Variants in CERS6 observed in about 807,000 individuals in gnomAD.
CERS6 encodes the protein ceramide synthase 6.
CERS6 carries 26 observed loss-of-function variants against 56.8 expected under a neutral mutation model. That is an observed-to-expected ratio of 0.46 (90% CI 0.34 to 0.63). The LOEUF is 0.63. Ranked by LOEUF, CERS6 falls within the 30% of genes least tolerant of loss-of-function variation. The probability of loss-of-function intolerance (pLI) is 0.01; values close to 1 mark genes in which losing one functional copy is unlikely to be tolerated. For synonymous variants in CERS6, 164 were observed against 173.3 expected, an observed-to-expected ratio of 0.95 and a Z score of 0.42; for missense variants, 415 against 467.5, an observed-to-expected ratio of 0.89 and a Z score of 1.04.
intron 4 of CERS6, among the ~76,000 whole-genome samples, chr2:168,644,478 A>G (rs1157479887): frequency 1.3e-5 from 2 of 152,154 alleles, no homozygotes; most frequent in Non-Finnish European, 2.9e-5. Context: ...ATGACAGATG[A>G]TTGAGCTGGA....
intron 1 of CERS6, among the ~76,000 whole-genome samples, chr2:168,483,347 G>T (rs1694212126): frequency 6.6e-6 from 1 of 151,608 alleles, no homozygotes; most frequent in Admixed American, 6.6e-5. Context: ...AGCTCTGTGT[G>T]CTTATTGGTT....
chr2:168,706,742 C>T (rs1179693997), intron 6 of CERS6, among the ~76,000 whole-genome samples: 3 of 152,200 alleles, frequency 2.0e-5, no homozygotes, highest in African/African-American at 7.2e-5. Context: ...TTGAAGTTAG[C>T]CACGAGCCTA....
At chr2:168,577,780 G>A (rs1461636959) in intron 3 of CERS6, among the ~76,000 whole-genome samples, 1 of 152,200 alleles carries the variant, frequency 6.6e-6, no homozygotes, top group African/African-American at 2.4e-5. Context: ...GGGCATCTGA[G>A]GAGAGTGAAG....
At chr2:168,598,777 A>G (rs529043476) in intron 3 of CERS6, among the ~76,000 whole-genome samples, 1 of 152,346 alleles carries the variant, frequency 6.6e-6, no homozygotes, top group African/African-American at 2.4e-5. Flanking sequence ...AAGTGGTGTC[A>G]AATATTGCGG....
intron 4 of CERS6, among the ~76,000 whole-genome samples, chr2:168,635,369 G>A (rs1684839124): frequency 6.6e-6 from 1 of 152,190 alleles, no homozygotes; most frequent in Admixed American, 6.5e-5. Flanking sequence ...TGCTACTGCT[G>A]GAGTGAAGAT....
At chr2:168,652,246 C>T (rs1685361739) in intron 4 of CERS6, among the ~76,000 whole-genome samples, 1 of 152,130 alleles carries the variant, frequency 6.6e-6, no homozygotes, top group African/African-American at 2.4e-5. Context: ...ATAATTTTCC[C>T]TCCCTGCTGC....
chr2:168,574,511 A>T (rs570675555), intron 3 of CERS6, among the ~76,000 whole-genome samples: 1 of 152,044 alleles, frequency 6.6e-6, no homozygotes, highest in Non-Finnish European at 1.5e-5. Context: ...TCTTTATTTT[A>T]TCATCATCCT....
chr2:168,553,916 A>G (rs1456381778), intron 2 of CERS6, among the ~76,000 whole-genome samples: 1 of 152,206 alleles, frequency 6.6e-6, no homozygotes, highest in Non-Finnish European at 1.5e-5. Context: ...AGGGGAGTCA[A>G]AGCATATCAG....
chr2:168,746,075 G>A (rs1684089146), intron 8 of CERS6, among the ~76,000 whole-genome samples: 2 of 152,202 alleles, frequency 1.3e-5, no homozygotes, highest in South Asian at 2.1e-4. Context: ...TGGTAGGAGG[G>A]TTGAGTGGGC....
intron 4 of CERS6, among the ~76,000 whole-genome samples, chr2:168,632,165 C>T (rs1000551362): frequency 1.3e-5 from 2 of 151,666 alleles, no homozygotes; most frequent in Admixed American, 6.6e-5. Context: ...TTCTCATAGT[C>T]GTACACATAT....
intron 4 of CERS6, among the ~76,000 whole-genome samples, chr2:168,649,959 T>C (rs756799852): frequency 6.6e-6 from 1 of 152,164 alleles, no homozygotes; most frequent in Non-Finnish European, 1.5e-5. Flanking sequence ...GATCTGCTTT[T>C]TATCTAGGAG....
intron 2 of CERS6, among the ~76,000 whole-genome samples, chr2:168,552,730 A>T (rs559172924): frequency 6.6e-6 from 1 of 152,134 alleles, no homozygotes; most frequent in African/African-American, 2.4e-5. Context: ...TCAGGAGTCC[A>T]TCTCCCTTCA....
chr2:168,606,456 G>A (rs1409117916), intron 3 of CERS6: 1 of 152,084 alleles, frequency 6.6e-6, no homozygotes, highest in Non-Finnish European at 1.5e-5. Flanking sequence ...ATGTTCTCTG[G>A]ATCCTTCCTG....
chr2:168,583,149 T>G (rs1475815304), intron 3 of CERS6: 1 of 152,370 alleles, frequency 6.6e-6, no homozygotes, highest in East Asian at 1.9e-4. Context: ...AAAATCGCTC[T>G]TATAGGACAA....
chr2:168,688,305 C>G (rs1686407000), intron 4 of CERS6, among the ~76,000 whole-genome samples: 1 of 151,610 alleles, frequency 6.6e-6, no homozygotes, highest in Non-Finnish European at 1.5e-5. Flanking sequence ...GGAAATGATT[C>G]TAAAAAACTG....
chr2:168,636,282 T>G (rs1467493543), intron 4 of CERS6, among the ~76,000 whole-genome samples: 1 of 152,146 alleles, frequency 6.6e-6, no homozygotes, highest in Non-Finnish European at 1.5e-5. Context: ...CTTTGGACTG[T>G]CTAGGTTAAA....
chr2:168,565,935 C>G (rs1433125909), intron 3 of CERS6, among the ~76,000 whole-genome samples: 1 of 152,142 alleles, frequency 6.6e-6, no homozygotes, highest in Admixed American at 6.5e-5. Context: ...GGGATTATGC[C>G]TTTGGGCTGG....
intron 2 of CERS6, among the ~76,000 whole-genome samples, chr2:168,558,142 G>A (rs1695717101): frequency 6.6e-6 from 1 of 152,172 alleles, no homozygotes; most frequent in Admixed American, 6.5e-5. Flanking sequence ...AGAGGCTTTG[G>A]AAAATGGGCG....
intron 1 of CERS6, among the ~76,000 whole-genome samples, chr2:168,458,391 T>G (rs1472420289): frequency 6.6e-6 from 1 of 152,224 alleles, no homozygotes; most frequent in Non-Finnish European, 1.5e-5. Flanking sequence ...TTAAAAAAAT[T>G]AAGTTGTTAG....
Sources: gnomAD v4.1 joint callset for allele counts (sites outside exome capture counted in the v4.1 genomes callset) on GRCh38, gnomAD v4.1.1 for gene constraint, MANE v1.5 for transcripts, NCBI Gene and HGNC (gene_info 2026-07-23, HGNC 2026-07-21) for gene names.